VSTM2B: variants seen among roughly 807,000 people sequenced by gnomAD.
VSTM2B encodes the protein V-set and transmembrane domain containing 2B.
In VSTM2B, 24 loss-of-function variants were observed where a neutral mutation model predicts 24.0. The ratio of observed to expected loss-of-function variants is 1.00; its 90% confidence interval spans 0.72 to 1.40. The LOEUF (loss-of-function observed/expected upper bound fraction) is 1.40, where lower values mean the gene tolerates loss of function less well. Ranked by LOEUF, VSTM2B falls within the 40% of genes most tolerant of loss-of-function variation. The pLI is 0.00. For synonymous variants in VSTM2B, 226 were observed against 194.4 expected (o/e 1.16, Z -1.35); for missense variants, 399 against 416.4 (o/e 0.96, Z 0.36).
In VSTM2B at chr19:29,526,122, C is replaced by A. The variant is rs893610326; in HGVS notation, c.-462C>A. 3.9e-5 allele frequency among the ~76,000 whole-genome samples: 6 copies of A among 152,042 alleles called. No individual in the cohort carries two copies. The highest frequency in any genetic ancestry group is 7.4e-5 in the Non-Finnish European group (5 of 67,982). The stretch of plus-strand genomic sequence containing the variant: ...GCGGAAAGAGCCGCGGAGGAACCGG[C>A]GGGGGCGGCTGCGGGAGCCGAAGGA... On this transcript the variant is annotated 5_prime_UTR_variant, in exon 1 of 5. Coordinates refer to ENST00000335523, the MANE Select transcript of VSTM2B (RefSeq NM_001146339.2). This position sits in a 1 kb window ranked among gnomAD's most constrained non-coding sequence, Gnocchi z 4.1.
intron 4 of VSTM2B, among the ~76,000 whole-genome samples, chr19:29,530,787 G>C (rs1157194750): frequency 2.6e-5 from 4 of 152,276 alleles, no homozygotes; most frequent in African/African-American, 9.6e-5. Context: ...CAAGGGTGTG[G>C]AGGGGCCTGG....
intron 4 of VSTM2B, among the ~76,000 whole-genome samples, chr19:29,546,968 G>A (rs73547252): frequency 1.3e-5 from 2 of 152,182 alleles, no homozygotes; most frequent in East Asian, 1.9e-4. Context: ...CATTCATGGG[G>A]AAGGAGAGTT....
intron 4 of VSTM2B, among the ~76,000 whole-genome samples, chr19:29,557,588 A>G (rs1970438524): frequency 6.6e-6 from 1 of 151,936 alleles, no homozygotes; most frequent in African/African-American, 2.4e-5. Flanking sequence ...AATCCCAGCT[A>G]CTCAGGGCGC....
At chr19:29,528,304 A>G (rs1599873617) in intron 2 of VSTM2B, 129 bp from the exon 3 acceptor site, 2 of 1,167,178 alleles carry the variant, frequency 1.7e-6, no homozygotes, top group South Asian at 1.4e-5. Flanking sequence ...TGTGCCCTCA[A>G]CCCCCATCCC....
chr19:29,553,443 C>T (rs946843406), intron 4 of VSTM2B, among the ~76,000 whole-genome samples: 1 of 152,208 alleles, frequency 6.6e-6, no homozygotes, highest in Non-Finnish European at 1.5e-5. Flanking sequence ...TGCAAGAAAA[C>T]CCCATCCAAA....
At chr19:29,531,450 G>A (rs938808800) in intron 4 of VSTM2B, among the ~76,000 whole-genome samples, 18 of 152,302 alleles carry the variant, frequency 1.2e-4, no homozygotes, top group East Asian at 3.9e-4. Context: ...TGCAGAATCC[G>A]CTGGGGCAGG....
In VSTM2B at chr19:29,564,489, T is replaced by C. The variant is rs984652997; in HGVS notation, c.*555T>C. 3 of 152,524 alleles carry C rather than the reference T, an allele frequency of 2.0e-5. No homozygotes were observed. Among genetic ancestry groups the C allele is most frequent in the Non-Finnish European group, 4.4e-5 (3 of 68,264 alleles). 9.4% of individuals were successfully genotyped at this position (152,524 alleles called of 1,614,324 possible). A position where few individuals can be genotyped will look rare whatever the true frequency, so the allele number is the denominator to read the frequency against. On this transcript the variant is annotated 3_prime_UTR_variant, in exon 5 of 5. Transcript: ENST00000335523. ...AAAGATTGGAAACAAGGTCAGACAC[T>C]TGTTTATAAACTGTATTGTATATTG...
At chr19:29,540,319 C>A (rs928520925) in intron 4 of VSTM2B, among the ~76,000 whole-genome samples, 1 of 152,192 alleles carries the variant, frequency 6.6e-6, no homozygotes, top group East Asian at 1.9e-4. Flanking sequence ...GGAGGATGAA[C>A]CCAGGGCTCA....
intron 4 of VSTM2B, among the ~76,000 whole-genome samples, chr19:29,553,332 C>G (rs1385600716): frequency 6.6e-6 from 1 of 152,168 alleles, no homozygotes; most frequent in Non-Finnish European, 1.5e-5. Flanking sequence ...TGGAGTGGAC[C>G]CCCAGCAAAC....
Position 29,527,272 on chromosome 19 carries a change from C to T in VSTM2B, c.144C>T (p.Pro48=). 6.4e-7 allele frequency: 1 copy of T among 1,550,492 alleles called. No homozygotes were observed. The highest frequency in any genetic ancestry group is 8.7e-7 in the Non-Finnish European group (1 of 1,146,816). Residue 48 remains proline, a synonymous_variant, in exon 2 of 5, where the codon CCC becomes CCT. Transcript: ENST00000335523. ...GGGAGGGAGACGACATCGAAATGCCCTGCGCGTTCCGGGCCAGCGGAGCCA... is the reference window on the plus strand; with the variant it reads ...GGGAGGGAGACGACATCGAAATGCCTTGCGCGTTCCGGGCCAGCGGAGCCA... ...TVREGDDIEM[P]CAFRASGATS...
At chr19:29,534,486 G>A (rs982038428) in intron 4 of VSTM2B, among the ~76,000 whole-genome samples, 3 of 152,152 alleles carry the variant, frequency 2.0e-5, no homozygotes, top group African/African-American at 4.8e-5. Context: ...AGGCCGAGGC[G>A]GGTGGATCAC....
chr19:29,528,563 G>A lies in VSTM2B; in HGVS notation c.297+101G>A. On this transcript the variant is annotated intron_variant, in intron 3 of 4. Coordinates refer to ENST00000335523, the MANE Select transcript of VSTM2B (RefSeq NM_001146339.2). Reference sequence around the variant, plus strand: ...AAGCCGCGGCGGCCGCGCATGTGGGGCCGCGCAAGTAGGGCAGCGATCGCA... The same window carrying A: ...AAGCCGCGGCGGCCGCGCATGTGGGACCGCGCAAGTAGGGCAGCGATCGCA... 4 of 1,422,682 alleles carry A rather than the reference G, an allele frequency of 2.8e-6. 1 individual carries two copies. The South Asian group carries it at 3.7e-5, about 13-fold the overall frequency. 88.1% of individuals were successfully genotyped at this position (1,422,682 alleles called of 1,614,324 possible).
intron 4 of VSTM2B, 136 bp from the exon 5 acceptor site, chr19:29,563,710 T>C (rs75094963): frequency 0.02 from 13,966 of 686,062 alleles, 340 homozygotes; most frequent in East Asian, 0.1. Context: ...AGGCAGCCAC[T>C]ATGCACCAGC....
chr19:29,546,940 G>A (rs776855234), intron 4 of VSTM2B, among the ~76,000 whole-genome samples: 1 of 152,202 alleles, frequency 6.6e-6, no homozygotes, highest in East Asian at 1.9e-4. Flanking sequence ...GTAGCCAGGG[G>A]CCAGGGTCAG....
chr19:29,527,461 C>G, intron 2 of VSTM2B, 66 bp downstream of exon 2: 1 of 1,367,782 alleles, frequency 7.3e-7, no homozygotes, highest in Non-Finnish European at 9.5e-7. Context: ...AAGGCTAACC[C>G]AGGGAGGGAA....
chr19:29,544,165 T>C (rs1210754067), intron 4 of VSTM2B, among the ~76,000 whole-genome samples: 1 of 151,394 alleles, frequency 6.6e-6, no homozygotes, highest in Non-Finnish European at 1.5e-5. Flanking sequence ...ATGCACTTTA[T>C]ATTAAATATA....
chr19:29,556,248 C>G (rs1970405633), intron 4 of VSTM2B, among the ~76,000 whole-genome samples: 1 of 150,244 alleles, frequency 6.7e-6, no homozygotes, highest in African/African-American at 2.4e-5. Context: ...CTGGGATGCA[C>G]AAAACATAAT....
At position 29,563,872 on chromosome 19, in the gene VSTM2B, C is replaced by A. The variant is rs1033086107; in HGVS notation, c.796C>A (p.Pro266Thr). Residue 266 changes from proline to threonine, a missense_variant, in exon 5 of 5, where the codon CCA becomes ACA. Coordinates refer to ENST00000335523, the MANE Select transcript of VSTM2B (RefSeq NM_001146339.2). ...CACCGGCCGTAGCTACACCACAGAC[C>A]CACTCTTGTCCCTGCTCCTGTTAGC... ...SGTGRSYTTDPLLSLLLLALH... is the reference protein window; with the variant it reads ...SGTGRSYTTDTLLSLLLLALH... 3.9e-6 allele frequency: 6 copies of A among 1,552,242 alleles called. No homozygotes were observed. The highest frequency in any genetic ancestry group is 5.2e-6 in the Non-Finnish European group (6 of 1,147,112).
Position 29,526,634 on chromosome 19 carries a change from G to A in VSTM2B, c.51G>A (p.Leu17=). Residue 17 remains leucine (L), a synonymous_variant, in exon 1 of 5, where the codon CTG becomes CTA. Transcript: ENST00000335523. This position sits in a 1 kb window ranked among gnomAD's most constrained non-coding sequence, Gnocchi z 4.1. ...CCCTCGGATACCTGCCGCCTCTGCT[G>A]CTGCATGCCCTGCTGCTCTTCGTGG... ...LGALGYLPPL[L]LHALLLFVAD... is the part of the protein sequence containing the mutation. 1 of 1,531,130 alleles carries A rather than the reference G, an allele frequency of 6.5e-7. No individual in the cohort carries two copies. Among genetic ancestry groups the A allele is most frequent in the South Asian group, 1.2e-5 (1 of 83,040 alleles). 94.8% of individuals were successfully genotyped at this position (1,531,130 alleles called of 1,614,324 possible). A position where few individuals can be genotyped will look rare whatever the true frequency, so the allele number is the denominator to read the frequency against.
Sources: gnomAD v4.1 joint callset for allele counts (sites outside exome capture counted in the v4.1 genomes callset) on GRCh38, gnomAD v4.1.1 for gene constraint, Gnocchi (gnomAD v3.1) non-coding constraint, MANE v1.5 for transcripts, NCBI Gene and HGNC (gene_info 2026-07-23, HGNC 2026-07-21) for gene names.